PTPN4: variants seen among roughly 807,000 people sequenced by gnomAD.
PTPN4 encodes tyrosine-protein phosphatase non-receptor type 4.
In PTPN4, 49 loss-of-function variants were observed where a neutral mutation model predicts 135.5. The ratio of observed to expected loss-of-function variants is 0.36; its 90% CI spans 0.29 to 0.46. The LOEUF (loss-of-function observed/expected upper bound fraction) is 0.46. PTPN4 is among the 20% of genes least tolerant of loss of function. The pLI is 1.00. For synonymous variants in PTPN4, 333 were observed against 369.9 expected (o/e 0.90, Z 1.14); for missense variants, 860 against 1,101.0 (o/e 0.78, Z 3.10).
intron 1 of PTPN4, among the ~76,000 whole-genome samples, chr2:119,794,500 G>A (rs1238269310): frequency 6.6e-6 from 1 of 152,220 alleles, no homozygotes; most frequent in African/African-American, 2.4e-5. Flanking sequence ...TGTCGGCATG[G>A]GTGCTGGCTC....
At chr2:119,947,367 T>A (rs1351007887) in intron 18 of PTPN4, among the ~76,000 whole-genome samples, 1 of 152,180 alleles carries the variant, frequency 6.6e-6, no homozygotes, top group African/African-American at 2.4e-5. Context: ...AAATCACAAT[T>A]GAGATTGATC....
chr2:119,847,486 C>A (rs1332805959), intron 2 of PTPN4, among the ~76,000 whole-genome samples: 3 of 151,804 alleles, frequency 2.0e-5, no homozygotes, highest in African/African-American at 4.8e-5. Context: ...CACTACCACG[C>A]CCAGCTAATT....
intron 1 of PTPN4, among the ~76,000 whole-genome samples, chr2:119,796,242 A>G (rs1485871507): frequency 6.6e-6 from 1 of 152,212 alleles, no homozygotes; most frequent in African/African-American, 2.4e-5. Flanking sequence ...TGCTGCCACC[A>G]TCATTTTGAC....
intron 15 of PTPN4, 92 bp from the exon 16 acceptor site, chr2:119,944,989 G>A: frequency 8.4e-7 from 1 of 1,190,080 alleles, no homozygotes; most frequent in East Asian, 2.8e-5. Flanking sequence ...TTTAGAGCCT[G>A]TCTCCTACCA....
intron 2 of PTPN4, among the ~76,000 whole-genome samples, chr2:119,817,789 A>C (rs1166730183): frequency 6.6e-6 from 1 of 152,168 alleles, no homozygotes; most frequent in Non-Finnish European, 1.5e-5. Flanking sequence ...GATTCTTCCT[A>C]TCCATGAGCA....
intron 2 of PTPN4, among the ~76,000 whole-genome samples, chr2:119,836,669 G>A (rs1319822668): frequency 2.0e-5 from 3 of 152,244 alleles, no homozygotes; most frequent in African/African-American, 7.2e-5. Flanking sequence ...GTGCTCTCGC[G>A]GGGTCCAGGA....
chr2:119,790,061 G>A (rs150336994), intron 1 of PTPN4, among the ~76,000 whole-genome samples: 1 of 152,004 alleles, frequency 6.6e-6, no homozygotes, highest in Non-Finnish European at 1.5e-5. Flanking sequence ...ATTCCATTGT[G>A]GTTGAATAAC....
In PTPN4 at chr2:119,877,648, T is replaced by C. The variant is rs942389232; in HGVS notation, c.368+106T>C. 3 of 1,359,404 alleles carry C rather than the reference T, an allele frequency of 2.2e-6. 1 individual carries two copies. Among genetic ancestry groups the C allele is most frequent in the Non-Finnish European group, 3.0e-6 (3 of 1,015,888 alleles). 84.2% of individuals were successfully genotyped at this position (1,359,404 alleles called of 1,614,324 possible). ...ATTACTGTGGTGTAATTCTGAGCTT[T>C]CCAGTCAGTACACAGAATAAGTTAT... is the stretch of plus-strand genomic sequence containing the variant. On this transcript the variant is annotated intron_variant, in intron 5 of 26. Transcript: ENST00000263708.
chr2:119,874,741 A>G (rs942540324), intron 3 of PTPN4, among the ~76,000 whole-genome samples: 1 of 152,222 alleles, frequency 6.6e-6, no homozygotes, highest in Non-Finnish European at 1.5e-5. Context: ...AATGACACAT[A>G]CATGTTAAAA....
At chr2:119,889,233 C>A (rs369437942) in intron 9 of PTPN4, among the ~76,000 whole-genome samples, 3 of 152,050 alleles carry the variant, frequency 2.0e-5, no homozygotes, top group Non-Finnish European at 4.4e-5. Flanking sequence ...TCCTGGCTAA[C>A]GCGGTGAAAC....
At chr2:119,845,279 AGG>A (rs1574366332) in intron 2 of PTPN4, among the ~76,000 whole-genome samples, 1 of 127,448 alleles carries the variant, frequency 7.8e-6, no homozygotes, top group East Asian at 2.3e-4. Flanking sequence ...GGAGAGGGAG[AGG>A]GAGAGGGAGA....
chr2:119,878,611 C>T (rs994849235), intron 5 of PTPN4, among the ~76,000 whole-genome samples: 2 of 151,408 alleles, frequency 1.3e-5, no homozygotes, highest in Non-Finnish European at 1.5e-5. Context: ...CAGTAGTAAA[C>T]CAAGTGAGAA....
intron 26 of PTPN4, among the ~76,000 whole-genome samples, chr2:119,974,768 G>C (rs1679589458): frequency 6.6e-6 from 1 of 152,068 alleles, no homozygotes; most frequent in South Asian, 2.1e-4. Context: ...TTATTTGCTT[G>C]GGTTAATTTT....
intron 2 of PTPN4, among the ~76,000 whole-genome samples, chr2:119,852,045 C>T (rs145876546): frequency 4.9e-4 from 75 of 152,298 alleles, no homozygotes; most frequent in South Asian, 3.9e-3. Context: ...TCCAAGTTCT[C>T]AAATTTATGC....
intron 24 of PTPN4, 76 bp from the exon 25 acceptor site, chr2:119,965,421 A>G: frequency 1.5e-6 from 2 of 1,375,960 alleles, no homozygotes; most frequent in East Asian, 4.8e-5. Context: ...TTCTTTCCTG[A>G]TGAATTTTAT....
intron 15 of PTPN4, among the ~76,000 whole-genome samples, chr2:119,943,845 G>A (rs1400588518): frequency 2.0e-5 from 3 of 151,696 alleles, no homozygotes; most frequent in African/African-American, 7.3e-5. Flanking sequence ...GCCCACCCCG[G>A]CCTCCCAAAG....
At chr2:119,788,029 AC>A (rs1330740949) in intron 1 of PTPN4, among the ~76,000 whole-genome samples, 2 of 152,152 alleles carry the variant, frequency 1.3e-5, no homozygotes, top group African/African-American at 2.4e-5. Flanking sequence ...TGCAACATAA[AC>A]TTTTATTTGG....
chr2:119,826,865 A>C (rs1042580480), intron 2 of PTPN4, among the ~76,000 whole-genome samples: 4 of 152,052 alleles, frequency 2.6e-5, no homozygotes, highest in Non-Finnish European at 5.9e-5. Flanking sequence ...TTCTCTACAA[A>C]AATAAAAAAT....
At chr2:119,918,209 T>A (rs1678685621) in intron 11 of PTPN4, among the ~76,000 whole-genome samples, 1 of 152,212 alleles carries the variant, frequency 6.6e-6, no homozygotes, top group Admixed American at 6.5e-5. Context: ...AATATGATAG[T>A]TTAATACTTT....
Sources: gnomAD v4.1 joint callset for allele counts (sites outside exome capture counted in the v4.1 genomes callset) on GRCh38, gnomAD v4.1.1 for gene constraint, MANE v1.5 for transcripts, NCBI Gene and HGNC (gene_info 2026-07-23, HGNC 2026-07-21) for gene names.